The following RALY variants were observed in gnomAD, a reference collection of about 807,000 sequenced individuals.
The protein encoded by RALY is RNA-binding protein Raly.
A neutral mutation model predicts 30.7 loss-of-function variants in RALY; 15 were observed. That is an observed-to-expected ratio of 0.49 (90% confidence interval 0.33 to 0.75). The LOEUF is 0.75. RALY is among the 30% of genes least tolerant of loss of function. The probability of loss-of-function intolerance (pLI) is 0.02; values close to 1 mark genes in which losing one functional copy is unlikely to be tolerated. For missense variants in RALY, 339 were observed against 414.3 expected (o/e 0.82, Z 1.58); for synonymous variants, 177 against 170.8 (o/e 1.04, Z -0.28).
intron 7 of RALY, 52 bp from the exon 8 acceptor site, chr20:34,076,976 A>G (rs2033898444): frequency 6.2e-7 from 1 of 1,609,382 alleles, no homozygotes; most frequent in Non-Finnish European, 8.5e-7. Flanking sequence ...TGCCCTAGAC[A>G]GCTACCCCAG....
At chr20:33,996,566 C>CAATA (rs1459169111) in intron 1 of RALY, among the ~76,000 whole-genome samples, 1 of 151,856 alleles carries the variant, frequency 6.6e-6, no homozygotes, top group Non-Finnish European at 1.5e-5. Context: ...TGGTAAGTGG[C>CAATA]CATGGCAGTA....
At chr20:33,995,359 C>T (rs1250256461) in intron 1 of RALY, among the ~76,000 whole-genome samples, 4 of 152,170 alleles carry the variant, frequency 2.6e-5, no homozygotes, top group East Asian at 1.9e-4. Context: ...TGTGTTCCTC[C>T]TCCCAGACCT....
At chr20:34,034,008 T>G (rs2032381074) in intron 2 of RALY, among the ~76,000 whole-genome samples, 1 of 152,160 alleles carries the variant, frequency 6.6e-6, no homozygotes, top group Admixed American at 6.5e-5. Context: ...AGTGCAGGTT[T>G]GAGTGCACTC....
At position 34,077,060 on chromosome 20, in the gene RALY, G is replaced by GCA. The variant is rs1568700540; in HGVS notation, c.691_692insCA (p.Gly231AlafsTer56). ...GAAGAAGGGTGATGGAGGTGGCGCC[G>GCA]GCGGCGGCGGCGGTGGTGGTGGCAG... is the stretch of plus-strand genomic sequence containing the variant. On this transcript the variant is annotated frameshift_variant, in exon 8 of 10. Coordinates refer to ENST00000246194, the MANE Select transcript of RALY (RefSeq NM_016732.3). LOFTEE classifies it high-confidence loss of function. The GCA allele has an allele frequency of 3.0e-5, 23 of 758,892 alleles. 1 individual carries two copies. The highest frequency in any genetic ancestry group is 2.1e-4 in the African/African-American group (5 of 23,526). 47.0% of individuals were successfully genotyped at this position (758,892 alleles called of 1,614,324 possible).
intron 1 of RALY, among the ~76,000 whole-genome samples, chr20:34,009,693 TC>T (rs1377620477): frequency 1.6e-4 from 24 of 152,300 alleles, no homozygotes; most frequent in Middle Eastern, 6.8e-3. Context: ...AACTTCATGT[TC>T]TTCATTTCTC....
At chr20:34,033,954 C>T (rs1481869250) in intron 2 of RALY, among the ~76,000 whole-genome samples, 1 of 152,128 alleles carries the variant, frequency 6.6e-6, no homozygotes, top group African/African-American at 2.4e-5. Context: ...GATGACAAAG[C>T]CAGGTAGCAC....
intron 1 of RALY, among the ~76,000 whole-genome samples, chr20:34,025,074 C>CTG (rs2123068393): frequency 6.6e-6 from 1 of 152,290 alleles, no homozygotes; most frequent in Non-Finnish European, 1.5e-5. Flanking sequence ...CTTTTACTCC[C>CTG]TGTGTGTGGT....
At chr20:34,056,312 A>G (rs2033241548) in intron 2 of RALY, among the ~76,000 whole-genome samples, 1 of 152,174 alleles carries the variant, frequency 6.6e-6, no homozygotes, top group African/African-American at 2.4e-5. Flanking sequence ...CTTCAGGACA[A>G]GATTGGAACT....
intron 2 of RALY, among the ~76,000 whole-genome samples, chr20:34,036,951 G>A (rs1200094802): frequency 1.3e-5 from 2 of 151,518 alleles, no homozygotes; most frequent in African/African-American, 4.9e-5. Context: ...TATTTATTTT[G>A]TTTATTGTTT....
intron 2 of RALY, among the ~76,000 whole-genome samples, chr20:34,046,271 G>A (rs2032876870): frequency 6.6e-6 from 1 of 152,204 alleles, no homozygotes; most frequent in African/African-American, 2.4e-5. Context: ...TGTGGAAAGA[G>A]GATAAAGTTT....
intron 1 of RALY, among the ~76,000 whole-genome samples, chr20:34,005,286 C>T (rs533163526): frequency 6.6e-6 from 1 of 152,154 alleles, no homozygotes; most frequent in East Asian, 1.9e-4. Context: ...CTGAGGCAGG[C>T]AGATCATGAG....
intron 2 of RALY, among the ~76,000 whole-genome samples, chr20:34,069,698 G>A (rs552997878): frequency 6.6e-6 from 1 of 152,334 alleles, no homozygotes; most frequent in South Asian, 2.1e-4. Context: ...AAGCCCATGG[G>A]AAAAACATGT....
chr20:34,058,482 C>T (rs143686908), intron 2 of RALY, among the ~76,000 whole-genome samples: 1 of 129,938 alleles, frequency 7.7e-6, no homozygotes, highest in East Asian at 2.4e-4. Context: ...TCACCTGAAC[C>T]ATACAATGCC....
chr20:34,068,886 G>T (rs2033650335), intron 2 of RALY, among the ~76,000 whole-genome samples: 1 of 152,322 alleles, frequency 6.6e-6, no homozygotes. Context: ...GGCTGAGGGA[G>T]TCCACACAAC....
At chr20:34,058,773 G>A (rs1227343391) in intron 2 of RALY, among the ~76,000 whole-genome samples, 1 of 152,300 alleles carries the variant, frequency 6.6e-6, no homozygotes, top group Non-Finnish European at 1.5e-5. Context: ...CATTTATAAA[G>A]TGAATGACAT....
At chr20:34,076,094 T>C (rs1390713854) in intron 6 of RALY, 54 bp downstream of exon 6, 3 of 1,561,760 alleles carry the variant, frequency 1.9e-6, no homozygotes, top group Admixed American at 3.5e-5. Flanking sequence ...ATTAGCAAAA[T>C]AATAGAATCA....
At chr20:34,030,013 T>C (rs1174097366) in intron 1 of RALY, 2 of 152,270 alleles carry the variant, frequency 1.3e-5, no homozygotes, top group Non-Finnish European at 2.9e-5. Flanking sequence ...ACCACCTGGC[T>C]GAAGGACTCA....
At chr20:33,997,471 TG>T in intron 1 of RALY, among the ~76,000 whole-genome samples, 1 of 152,240 alleles carries the variant, frequency 6.6e-6, no homozygotes. Flanking sequence ...TGTTTGCACC[TG>T]CCCTTCTGAC....
At chr20:34,004,202 A>G (rs896455164) in intron 1 of RALY, among the ~76,000 whole-genome samples, 17 of 152,204 alleles carry the variant, frequency 1.1e-4, no homozygotes, top group African/African-American at 3.4e-4. Flanking sequence ...GGGAGTTCCC[A>G]AGGAACATTT....
Sources: allele counts gnomAD v4.1 joint callset (sites outside exome capture counted in the v4.1 genomes callset), GRCh38; gene constraint gnomAD v4.1.1; transcripts MANE v1.5; gene names NCBI Gene and HGNC (gene_info 2026-07-23, HGNC 2026-07-21).